Variants in SPINK7 observed in about 807,000 individuals in gnomAD.
SPINK7 encodes serine protease inhibitor Kazal-type 7.
In SPINK7, 8 loss-of-function variants were observed where a neutral mutation model predicts 11.6. The ratio of observed to expected loss-of-function variants is 0.69; its 90% CI spans 0.41 to 1.25. The LOEUF is 1.25. Ranked by LOEUF, SPINK7 falls within the 50% of genes most tolerant of loss-of-function variation. The probability of loss-of-function intolerance (pLI) is 0.01; values close to 1 mark genes in which losing one functional copy is unlikely to be tolerated. For missense variants in SPINK7, 113 were observed against 99.3 expected (o/e 1.14, Z -0.58); for synonymous variants, 38 against 35.3 (o/e 1.08, Z -0.27).
chr5:148,314,946 A>T (rs1756910679), intron 3 of SPINK7, among the ~76,000 whole-genome samples: 1 of 152,152 alleles, frequency 6.6e-6, no homozygotes, highest in East Asian at 1.9e-4. Context: ...ATGTTTTTGC[A>T]GAAATGTAGC....
chr5:148,313,624 G>A (rs1216140652), intron 2 of SPINK7: 3 of 407,288 alleles, frequency 7.4e-6, no homozygotes, highest in African/African-American at 2.1e-5. Flanking sequence ...AGGGAGAACC[G>A]CCTTCCAGCT....
Position 148,315,723 on chromosome 5 carries a change from A to G in SPINK7, c.*39A>G. The G allele has an allele frequency of 1.6e-6, 2 of 1,236,400 alleles. No individual in the cohort carries two copies. Among genetic ancestry groups the G allele is most frequent in the Non-Finnish European group, 2.4e-6 (2 of 838,500 alleles). 76.6% of individuals were successfully genotyped at this position (1,236,400 alleles called of 1,614,324 possible). ...ATAGAGAGAAAGGAATGATATTCTC[A>G]TCATCATCTTCATCATCCCAGGCTC... On this transcript the variant is annotated 3_prime_UTR_variant, in exon 4 of 4. Transcript: ENST00000274565.
At chr5:148,313,096 G>C (rs1453468190) in intron 1 of SPINK7, among the ~76,000 whole-genome samples, 1 of 151,890 alleles carries the variant, frequency 6.6e-6, no homozygotes, top group Non-Finnish European at 1.5e-5. Flanking sequence ...ACTTGACTTT[G>C]GCCATTATCA....
rs557153197 is a variant in SPINK7, at chr5:148,313,522, T to C, written c.87+123T>C. The C allele has an allele frequency of 2.4e-4, 136 of 575,264 alleles. 1 individual carries two copies. The Middle Eastern group carries it at 4.9e-3, about 21-fold the overall frequency. 35.6% of individuals were successfully genotyped at this position (575,264 alleles called of 1,614,324 possible). On this transcript the variant is annotated intron_variant, in intron 2 of 3. Transcript: ENST00000274565. ...GAGGCAAACACACATGGAGAAATGGTACCTGTTCTCCAGAAGGCAACTAAA... is the reference window on the plus strand; with the variant it reads ...GAGGCAAACACACATGGAGAAATGGCACCTGTTCTCCAGAAGGCAACTAAA...
chr5:148,315,823 T>A lies in SPINK7; in HGVS notation c.*139T>A, dbSNP rs1756925281. Reference sequence around the variant, plus strand: ...CAGATTCAGAGTAATCTTGACTGAATGGAGAAAGTTTCTGTGCTACCCCTA... The same window carrying A: ...CAGATTCAGAGTAATCTTGACTGAAAGGAGAAAGTTTCTGTGCTACCCCTA... On this transcript the variant is annotated 3_prime_UTR_variant, in exon 4 of 4. Coordinates refer to ENST00000274565, the MANE Select transcript of SPINK7 (RefSeq NM_032566.3). 1 of 529,260 alleles carries A rather than the reference T, an allele frequency of 1.9e-6. No homozygotes were observed. Among genetic ancestry groups the A allele is most frequent in the Non-Finnish European group, 3.5e-6 (1 of 289,814 alleles). The allele number at this position is 529,260 out of a possible 1,614,324, so 32.8% of individuals were successfully genotyped here.
At position 148,315,844 on chromosome 5, in the gene SPINK7, C is replaced by A. The variant is rs1756925505; in HGVS notation, c.*160C>A. On this transcript the variant is annotated 3_prime_UTR_variant, in exon 4 of 4. Coordinates refer to ENST00000274565, the MANE Select transcript of SPINK7 (RefSeq NM_032566.3). ...TGAATGGAGAAAGTTTCTGTGCTAC[C>A]CCTACAAACCCATGCCTCACTGACA... 15 of 470,746 alleles carry A rather than the reference C, an allele frequency of 3.2e-5. No individual in the cohort carries two copies. Among genetic ancestry groups the A allele is most frequent in the Middle Eastern group, 3.0e-4 (1 of 3,332 alleles). 29.2% of individuals were successfully genotyped at this position (470,746 alleles called of 1,614,324 possible).
intron 3 of SPINK7, 140 bp from the exon 4 acceptor site, chr5:148,315,499 G>A (rs78421261): frequency 0.032 from 17,055 of 536,996 alleles, 1,207 homozygotes; most frequent in East Asian, 0.22. Context: ...CTTTGGCAAG[G>A]TCATTCATTT....
chr5:148,313,335 G>C, intron 1 of SPINK7, 39 bp from the exon 2 acceptor site: 1 of 1,545,932 alleles, frequency 6.5e-7, no homozygotes, highest in South Asian at 1.2e-5. Context: ...TTTAAAGTTT[G>C]CTTTACTTTT....
chr5:148,314,800 C>T (rs1756908800), intron 3 of SPINK7, among the ~76,000 whole-genome samples: 1 of 152,082 alleles, frequency 6.6e-6, no homozygotes, highest in Admixed American at 6.6e-5. Context: ...CTCTAAGTAT[C>T]TGTAGCTTTA....
chr5:148,315,778 T>C lies in SPINK7; in HGVS notation c.*94T>C. On this transcript the variant is annotated 3_prime_UTR_variant, in exon 4 of 4. Coordinates refer to ENST00000274565, the MANE Select transcript of SPINK7 (RefSeq NM_032566.3). ...TGAGTTTCTTTCAGTTTTACTGATG[T>C]TCTGGGTGGGGGACAGAGCCAGATT... 1 of 804,418 alleles carries C rather than the reference T, an allele frequency of 1.2e-6. No homozygotes were observed. Among genetic ancestry groups the C allele is most frequent in the Non-Finnish European group, 2.1e-6 (1 of 467,686 alleles). The allele number at this position is 804,418 out of a possible 1,614,324, so 49.8% of individuals were successfully genotyped here. A position where few individuals can be genotyped will look rare whatever the true frequency, so the allele number is the denominator to read the frequency against.
At chr5:148,312,627 A>G in intron 1 of SPINK7, 83 bp downstream of exon 1, 2 of 770,010 alleles carry the variant, frequency 2.6e-6, no homozygotes, top group African/African-American at 1.8e-5. Context: ...AGCATCTCAG[A>G]AACATCTGGT....
Position 148,315,905 on chromosome 5 carries a change from A to G in SPINK7, c.*221A>G. 2.6e-6 allele frequency: 1 copy of G among 390,038 alleles called. No individual in the cohort carries two copies. Among genetic ancestry groups the G allele is most frequent in the South Asian group, 1.2e-4 (1 of 8,580 alleles). The allele number at this position is 390,038 out of a possible 1,614,324, so 24.2% of individuals were successfully genotyped here. A position where few individuals can be genotyped will look rare whatever the true frequency, so the allele number is the denominator to read the frequency against. Reference sequence around the variant, plus strand: ...TTTTTTTTAACACGTCAATAAAAAAATAATCTCCCAGAAAGTTTATCTTTG... The same window carrying G: ...TTTTTTTTAACACGTCAATAAAAAAGTAATCTCCCAGAAAGTTTATCTTTG... On this transcript the variant is annotated 3_prime_UTR_variant, in exon 4 of 4. Coordinates refer to ENST00000274565, the MANE Select transcript of SPINK7 (RefSeq NM_032566.3).
chr5:148,313,566 A>C, intron 2 of SPINK7, 167 bp downstream of exon 2: 1 of 450,972 alleles, frequency 2.2e-6, no homozygotes, highest in Non-Finnish European at 4.0e-6. Flanking sequence ...ACATACATAT[A>C]AACAACCATA....
chr5:148,314,235 C>T lies in SPINK7; in HGVS notation c.212+11C>T, dbSNP rs777699087. 21 of 1,613,290 alleles carry T rather than the reference C, an allele frequency of 1.3e-5. No individual in the cohort carries two copies. Among genetic ancestry groups the T allele is most frequent in the Non-Finnish European group, 1.8e-5 (21 of 1,179,474 alleles). Reference sequence around the variant, plus strand: ...GTGTACCGAGAGCTTGTGAGTACCTCATAAGAAGAAAATGAGATCTGGAGT... The same window carrying T: ...GTGTACCGAGAGCTTGTGAGTACCTTATAAGAAGAAAATGAGATCTGGAGT... On this transcript the variant is annotated intron_variant, in intron 3 of 3. Transcript: ENST00000274565.
intron 1 of SPINK7, among the ~76,000 whole-genome samples, chr5:148,313,135 C>T (rs962029714): frequency 6.6e-6 from 1 of 151,862 alleles, no homozygotes; most frequent in Non-Finnish European, 1.5e-5. Flanking sequence ...GAAAACATTC[C>T]ATGATCAATA....
chr5:148,314,354 G>A (rs1581179092), intron 3 of SPINK7, 130 bp downstream of exon 3: 1 of 1,081,610 alleles, frequency 9.2e-7, no homozygotes, highest in East Asian at 2.5e-5. Context: ...AGAACAGCAG[G>A]TGGGGATAGA....
chr5:148,314,355 T>C (rs1756903339), intron 3 of SPINK7, 131 bp downstream of exon 3: 2 of 1,076,136 alleles, frequency 1.9e-6, no homozygotes, highest in African/African-American at 3.2e-5. Context: ...GAACAGCAGG[T>C]GGGGATAGAA....
intron 1 of SPINK7, 54 bp from the exon 2 acceptor site, chr5:148,313,319 AT>A: frequency 7.2e-7 from 1 of 1,384,022 alleles, no homozygotes. Context: ...ATATTAATTA[AT>A]GAGATTTAAA....
chr5:148,312,852 T>C (rs1242579090), intron 1 of SPINK7, among the ~76,000 whole-genome samples: 2 of 152,086 alleles, frequency 1.3e-5, no homozygotes, highest in Non-Finnish European at 2.9e-5. Context: ...AGTGCAAAGA[T>C]ACAGAAAAAC....
Sources: allele counts gnomAD v4.1 joint callset (sites outside exome capture counted in the v4.1 genomes callset), GRCh38; gene constraint gnomAD v4.1.1; transcripts MANE v1.5; gene names NCBI Gene and HGNC (gene_info 2026-07-23, HGNC 2026-07-21).